DMD: variants seen among roughly 807,000 people sequenced by gnomAD.
DMD encodes dystrophin.
Under a neutral mutation model 330.1 loss-of-function variants are expected in DMD, and 63 were observed. That is an observed-to-expected ratio of 0.19 (90% CI 0.16 to 0.24). The LOEUF is 0.24. Ranked by LOEUF, DMD falls within the 10% of genes least tolerant of loss-of-function variation. DMD has a pLI of 1.00. For synonymous variants in DMD, 1,223 were observed against 959.8 expected (o/e 1.27, Z -5.07); for missense variants, 3,344 against 2,684.1 (o/e 1.25, Z -5.43).
intron 2 of DMD, among the ~76,000 whole-genome samples, chrX:32,892,660 G>A (rs187856702): frequency 1.9e-4 from 21 of 112,031 alleles, no homozygotes; most frequent in African/African-American, 6.8e-4. Context: ...GCCTCCCGAA[G>A]TGCTGGGATT....
intron 11 of DMD, among the ~76,000 whole-genome samples, chrX:32,625,165 C>G (rs1385009317): frequency 9.0e-6 from 1 of 110,646 alleles, no homozygotes; most frequent in East Asian, 2.8e-4. Flanking sequence ...AGTGAAACGC[C>G]GTTTCAAAAA....
In DMD at chrX:31,929,420, T is replaced by C. The variant is rs16989969; in HGVS notation, c.6912+176A>G. On this transcript the variant is annotated intron_variant, in intron 47 of 78. Transcript: ENST00000357033. ...GTAAAGCCATTCACCATCATCATTT[T>C]TTCTAGCCACAACAAAACATATAGC... 0.02 allele frequency among the ~76,000 whole-genome samples: 2,208 copies of C among 111,747 alleles called. 55 individuals carry two copies. Among genetic ancestry groups the C allele is most frequent in the African/African-American group, 0.068 (2,088 of 30,718 alleles).
At chrX:32,114,117 C>T (rs2096600248) in intron 44 of DMD, among the ~76,000 whole-genome samples, 1 of 112,065 alleles carries the variant, frequency 8.9e-6, no homozygotes, top group African/African-American at 3.2e-5. Context: ...AACATTTTCT[C>T]ACAGAATAAG....
intron 1 of DMD, among the ~76,000 whole-genome samples, chrX:33,280,230 G>T (rs1303349952): frequency 9.0e-6 from 1 of 111,401 alleles, no homozygotes; most frequent in Non-Finnish European, 1.9e-5. Flanking sequence ...CGACCAGCTT[G>T]CCTCAGCTTC....
chrX:32,688,716 C>T (rs1050785777), intron 9 of DMD, among the ~76,000 whole-genome samples: 2 of 111,551 alleles, frequency 1.8e-5, no homozygotes, highest in Non-Finnish European at 3.8e-5. Flanking sequence ...GACTAGATTC[C>T]TATTATACTC....
At chrX:31,371,281 A>C in intron 60 of DMD, among the ~76,000 whole-genome samples, 1 of 110,986 alleles carries the variant, frequency 9.0e-6, no homozygotes, top group Non-Finnish European at 1.9e-5. Flanking sequence ...CAATGACTGA[A>C]TTTTCATCAG....
intron 33 of DMD, among the ~76,000 whole-genome samples, chrX:32,383,417 C>A (rs140670736): frequency 0.01 from 1,124 of 111,282 alleles, 19 homozygotes; most frequent in African/African-American, 0.034. Flanking sequence ...AATGTAATAA[C>A]ATTTCCTTTG....
At chrX:32,420,106 T>C (rs1241627731) in intron 29 of DMD, among the ~76,000 whole-genome samples, 1 of 111,939 alleles carries the variant, frequency 8.9e-6, no homozygotes, top group Non-Finnish European at 1.9e-5. Flanking sequence ...TTTCTCAAGG[T>C]ACCTTCAGGA....
At chrX:31,220,796 C>T (rs1264010427) in intron 64 of DMD, among the ~76,000 whole-genome samples, 2 of 110,609 alleles carry the variant, frequency 1.8e-5, no homozygotes, top group Non-Finnish European at 1.9e-5. Context: ...TCCCTTTCAC[C>T]CACCACATCA....
intron 26 of DMD, 150 bp downstream of exon 26, chrX:32,454,512 G>A (rs540550446): frequency 1.1e-5 from 5 of 458,573 alleles, no homozygotes; most frequent in African/African-American, 4.9e-5. Flanking sequence ...TATTAAACTT[G>A]AAGCTAAATT....
chrX:31,897,166 TGC>T (rs1290784179), intron 47 of DMD, among the ~76,000 whole-genome samples: 25 of 108,775 alleles, frequency 2.3e-4, no homozygotes, highest in South Asian at 4.1e-4. Context: ...AGTGAGAACA[TGC>T]GGTGTTTGGT....
intron 44 of DMD, among the ~76,000 whole-genome samples, chrX:32,022,995 G>A (rs2095818510): frequency 9.1e-6 from 1 of 109,718 alleles, no homozygotes; most frequent in Non-Finnish European, 1.9e-5. Context: ...ACCACGCCCA[G>A]CTAATTTTAC....
At chrX:32,113,955 G>GT (rs67233676) in intron 44 of DMD, among the ~76,000 whole-genome samples, 3 of 109,264 alleles carry the variant, frequency 2.7e-5, no homozygotes, top group Non-Finnish European at 3.8e-5. Flanking sequence ...ATATTTTCTT[G>GT]TTTTTTTTCT....
intron 43 of DMD, among the ~76,000 whole-genome samples, chrX:32,238,830 G>A (rs924100055): frequency 1.3e-4 from 15 of 111,646 alleles, no homozygotes; most frequent in African/African-American, 4.9e-4. Context: ...TTATGATGAT[G>A]AGCCTTGGTG....
intron 59 of DMD, among the ~76,000 whole-genome samples, chrX:31,470,670 G>A (rs1251715721): frequency 8.9e-6 from 1 of 112,204 alleles, no homozygotes; most frequent in African/African-American, 3.2e-5. Context: ...AGCAGAGCTC[G>A]AGTGCTGTGC....
intron 44 of DMD, among the ~76,000 whole-genome samples, chrX:32,164,756 C>A (rs1489519847): frequency 9.3e-6 from 1 of 107,983 alleles, no homozygotes; most frequent in Non-Finnish European, 1.9e-5. Flanking sequence ...ATCACAGACC[C>A]AGAGGTCTAG....
intron 9 of DMD, among the ~76,000 whole-genome samples, chrX:32,684,154 A>G (rs2147366034): frequency 9.1e-6 from 1 of 110,026 alleles, no homozygotes; most frequent in Admixed American, 9.8e-5. Flanking sequence ...CATATGTATA[A>G]CTTCGAATAG....
chrX:31,370,680 A>G (rs1034700613), intron 60 of DMD, among the ~76,000 whole-genome samples: 2 of 112,467 alleles, frequency 1.8e-5, no homozygotes, highest in Middle Eastern at 4.6e-3. Context: ...TGCACTCTTC[A>G]GCATTTATCT....
At chrX:32,736,313 T>C (rs1157059268) in intron 7 of DMD, among the ~76,000 whole-genome samples, 3 of 111,508 alleles carry the variant, frequency 2.7e-5, no homozygotes, top group Non-Finnish European at 5.6e-5. Flanking sequence ...TTTTCACTGT[T>C]GGTGGGACTG....
Sources: gnomAD v4.1 joint callset for allele counts (sites outside exome capture counted in the v4.1 genomes callset) on GRCh38, gnomAD v4.1.1 for gene constraint, MANE v1.5 for transcripts, NCBI Gene and HGNC (gene_info 2026-07-23, HGNC 2026-07-21) for gene names.